LYPLA1: variants seen among roughly 807,000 people sequenced by gnomAD.
LYPLA1 encodes the protein acyl-protein thioesterase 1.
In LYPLA1, 17 loss-of-function variants were observed where a neutral mutation model predicts 34.0. The ratio of observed to expected loss-of-function variants is 0.50; its 90% confidence interval spans 0.34 to 0.75. LYPLA1 has a LOEUF of 0.75. Ranked by LOEUF, LYPLA1 falls within the 30% of genes least tolerant of loss-of-function variation. The pLI is 0.01. For synonymous variants in LYPLA1, 98 were observed against 100.8 expected (o/e 0.97, Z 0.17); for missense variants, 203 against 288.8 (o/e 0.70, Z 2.15).
chr8:54,053,555 T>G (rs1586077308), intron 6 of LYPLA1: 1 of 455,628 alleles, frequency 2.2e-6, no homozygotes, highest in East Asian at 7.0e-5. Flanking sequence ...TGCCCATGGG[T>G]TACTGCAACA....
At chr8:54,060,405 G>A (rs1275814696) in intron 5 of LYPLA1, among the ~76,000 whole-genome samples, 1 of 152,142 alleles carries the variant, frequency 6.6e-6, no homozygotes, top group Non-Finnish European at 1.5e-5. Flanking sequence ...GATTACAGGT[G>A]TGAGCCACCG....
intron 2 of LYPLA1, among the ~76,000 whole-genome samples, chr8:54,079,772 G>C (rs1297010338): frequency 6.6e-6 from 1 of 151,982 alleles, no homozygotes; most frequent in Non-Finnish European, 1.5e-5. Flanking sequence ...TCCAGCCTGG[G>C]CAACAGACTG....
chr8:54,068,845 T>C (rs1026270468), intron 2 of LYPLA1, among the ~76,000 whole-genome samples: 9 of 152,288 alleles, frequency 5.9e-5, no homozygotes, highest in African/African-American at 1.9e-4. Context: ...AAATTAACTG[T>C]TGTGTTTCAA....
chr8:54,073,082 A>C (rs1363200739), intron 2 of LYPLA1: 2 of 596,412 alleles, frequency 3.4e-6, no homozygotes, highest in Non-Finnish European at 6.3e-6. Flanking sequence ...AAAGTCAAAA[A>C]AGGTCGTTAA....
At position 54,063,324 on chromosome 8, in the gene LYPLA1, T is replaced by C. The variant is rs1164084199; in HGVS notation, c.215+4A>G. On this transcript the variant is annotated splice_donor_region_variant and intron_variant, in intron 4 of 8. Coordinates refer to ENST00000316963, the MANE Select transcript of LYPLA1 (RefSeq NM_006330.4). ...TCTTATTCAATAAGTAAATTCTTAC[T>C]TACCATGAAGGCATAGCCACGTTCA... 1.3e-6 allele frequency: 2 copies of C among 1,494,688 alleles called. No homozygotes were observed. The highest frequency in any genetic ancestry group is 2.6e-5 in the South Asian group (2 of 76,154). 92.6% of individuals were successfully genotyped at this position (1,494,688 alleles called of 1,614,324 possible). A position where few individuals can be genotyped will look rare whatever the true frequency, so the allele number is the denominator to read the frequency against.
chr8:54,056,467 T>C (rs1806212786), intron 5 of LYPLA1, among the ~76,000 whole-genome samples: 1 of 152,108 alleles, frequency 6.6e-6, no homozygotes, highest in Non-Finnish European at 1.5e-5. Flanking sequence ...TTAAAAAGCT[T>C]CTGCACAGCA....
chr8:54,089,561 T>A (rs866314639), intron 2 of LYPLA1, among the ~76,000 whole-genome samples: 2 of 151,106 alleles, frequency 1.3e-5, no homozygotes, highest in African/African-American at 4.9e-5. Flanking sequence ...AGAATGTATA[T>A]ACTAACACTG....
chr8:54,053,416 A>G (rs556450289), intron 6 of LYPLA1: 179 of 326,562 alleles, frequency 5.5e-4, no homozygotes, highest in African/African-American at 3.7e-3. Flanking sequence ...TTACTTTCTA[A>G]ATGAGAATTT....
At position 54,099,774 on chromosome 8, in the gene LYPLA1, C is replaced by T. The variant is rs188575584; in HGVS notation, c.101+1134G>A. On this transcript the variant is annotated intron_variant, in intron 2 of 8. Transcript: ENST00000316963. Reference sequence around the variant, plus strand: ...TCTTGGCTCACTGAAGCCTCTGCCTCCCAGGTTCAAGTGATTCTCTTCTCT... The same window carrying T: ...TCTTGGCTCACTGAAGCCTCTGCCTTCCAGGTTCAAGTGATTCTCTTCTCT... 1.3e-3 allele frequency among the ~76,000 whole-genome samples: 205 copies of T among 152,104 alleles called. 2 individuals carry two copies. The highest frequency in any genetic ancestry group is 4.7e-3 in the African/African-American group (196 of 41,492).
chr8:54,091,008 T>A (rs1809202836), intron 2 of LYPLA1, among the ~76,000 whole-genome samples: 1 of 152,200 alleles, frequency 6.6e-6, no homozygotes, highest in South Asian at 2.1e-4. Context: ...CTTTTCTTTA[T>A]AAATTACCCA....
chr8:54,057,885 T>C (rs1248654818), intron 5 of LYPLA1, among the ~76,000 whole-genome samples: 10 of 152,180 alleles, frequency 6.6e-5, no homozygotes, highest in Admixed American at 3.9e-4. Context: ...TTATTTCACA[T>C]TGCATCCCTG....
chr8:54,064,277 C>A (rs1379913645), intron 3 of LYPLA1, among the ~76,000 whole-genome samples: 1 of 151,636 alleles, frequency 6.6e-6, no homozygotes, highest in Non-Finnish European at 1.5e-5. Context: ...TTAGCCCAGG[C>A]ATGGTGGCAG....
At chr8:54,050,183 T>TG (rs965414760) in intron 8 of LYPLA1, among the ~76,000 whole-genome samples, 5 of 152,238 alleles carry the variant, frequency 3.3e-5, no homozygotes, top group Admixed American at 2.0e-4. Context: ...TTTGATATTG[T>TG]GGGGGCACAT....
At chr8:54,058,243 A>T (rs574912827) in intron 5 of LYPLA1, among the ~76,000 whole-genome samples, 87 of 151,440 alleles carry the variant, frequency 5.7e-4, no homozygotes, top group African/African-American at 6.4e-4. Context: ...ATTGTTTTTT[A>T]AAAAAAATCA....
chr8:54,053,031 A>G (rs759774874), intron 6 of LYPLA1: 1 of 347,624 alleles, frequency 2.9e-6, no homozygotes, highest in Non-Finnish European at 5.2e-6. Flanking sequence ...AATATTCTGA[A>G]TTTATATTTT....
At position 54,065,753 on chromosome 8, in the gene LYPLA1, C is replaced by T. The variant is rs201095333; in HGVS notation, c.162G>A (p.Pro54=). The T allele has an allele frequency of 6.0e-4, 967 of 1,613,044 alleles. 13 individuals are homozygous for T. The South Asian group carries it at 9.8e-3, about 16-fold the overall frequency. The change falls in exon 3 of 9, where the codon CCG becomes CCA. Residue 54 remains proline (P), a synonymous_variant. Coordinates refer to ENST00000316963, the MANE Select transcript of LYPLA1 (RefSeq NM_006330.4). ...TGAAGATCAGAAATACTCACGCATGCGGGCAGATATATTTGATATGTGAAC... is the reference window on the plus strand; with the variant it reads ...TGAAGATCAGAAATACTCACGCATGTGGGCAGATATATTTGATATGTGAAC... The part of the protein sequence containing the change: ...IRSSHIKYIC[P]HAPVRPVTLN...
chr8:54,051,045 G>A lies in LYPLA1; in HGVS notation c.606C>T (p.Thr202=). 6.2e-7 allele frequency: 1 copy of A among 1,613,630 alleles called. No individual in the cohort carries two copies. ...LVNPANVTFK[T]YEGMMHSSCQ... ...ACGAACTGTGCATCATACCTTCATA[G>A]GTTTTAAAGGTCACATTGGCTGGAT... The change falls in exon 8 of 9, where the codon ACC becomes ACT. Residue 202 remains threonine, a synonymous_variant. Coordinates refer to ENST00000316963, the MANE Select transcript of LYPLA1 (RefSeq NM_006330.4).
intron 2 of LYPLA1, among the ~76,000 whole-genome samples, chr8:54,099,725 C>T (rs1210925503): frequency 6.6e-6 from 1 of 151,878 alleles, no homozygotes; most frequent in Non-Finnish European, 1.5e-5. Flanking sequence ...ACTCTGTGGC[C>T]CAGGCTGGAG....
At chr8:54,071,072 G>A (rs1406351729) in intron 2 of LYPLA1, among the ~76,000 whole-genome samples, 4 of 152,184 alleles carry the variant, frequency 2.6e-5, no homozygotes, top group African/African-American at 9.6e-5. Context: ...ACCCAGTCAT[G>A]AGGAACCATT....
Sources: allele counts gnomAD v4.1 joint callset (sites outside exome capture counted in the v4.1 genomes callset), GRCh38; gene constraint gnomAD v4.1.1; transcripts MANE v1.5; gene names NCBI Gene and HGNC (gene_info 2026-07-23, HGNC 2026-07-21).